Variants in KCNIP4 observed in about 807,000 individuals in gnomAD.
KCNIP4 encodes the protein potassium voltage-gated channel interacting protein 4, also known as Kv channel-interacting protein 4.
A neutral mutation model predicts 34.0 loss-of-function variants in KCNIP4; 12 were observed. That is an observed-to-expected ratio of 0.35 (90% CI 0.23 to 0.57). KCNIP4 has a LOEUF of 0.57. KCNIP4 is among the 20% of genes least tolerant of loss of function. The pLI is 0.83. For synonymous variants in KCNIP4, 124 were observed against 102.2 expected (o/e 1.21, Z -1.29); for missense variants, 238 against 311.7 (o/e 0.76, Z 1.78).
intron 1 of KCNIP4, among the ~76,000 whole-genome samples, chr4:21,572,196 C>T (rs1236903373): frequency 6.6e-6 from 1 of 152,124 alleles, no homozygotes; most frequent in Non-Finnish European, 1.5e-5. Context: ...GAGACTGCTA[C>T]TTGTCAAATA....
intron 1 of KCNIP4, among the ~76,000 whole-genome samples, chr4:21,257,269 C>T (rs1457480041): frequency 6.6e-6 from 1 of 152,186 alleles, no homozygotes; most frequent in Non-Finnish European, 1.5e-5. Context: ...CACTTCTATA[C>T]ACATGTCTGG....
chr4:20,969,290 AT>A (rs544260235), intron 1 of KCNIP4, among the ~76,000 whole-genome samples: 132 of 152,316 alleles, frequency 8.7e-4, no homozygotes, highest in East Asian at 5.8e-4. Flanking sequence ...TCCAGTGAGA[AT>A]TTCATACTTA....
At chr4:21,646,268 C>G (rs1226756149) in intron 1 of KCNIP4, among the ~76,000 whole-genome samples, 1 of 152,130 alleles carries the variant, frequency 6.6e-6, no homozygotes. Flanking sequence ...GGTTGAGTTG[C>G]CAATGTAGTT....
At chr4:21,417,747 C>A (rs1244575263) in intron 1 of KCNIP4, among the ~76,000 whole-genome samples, 1 of 152,050 alleles carries the variant, frequency 6.6e-6, no homozygotes, top group Admixed American at 6.6e-5. Flanking sequence ...TAGAGCTTTG[C>A]CATATTTGCT....
At chr4:21,901,187 T>C (rs567711807) in intron 1 of KCNIP4, among the ~76,000 whole-genome samples, 1 of 152,332 alleles carries the variant, frequency 6.6e-6, no homozygotes, top group African/African-American at 2.4e-5. Context: ...TAGTGTGCAC[T>C]TAACCTGTGA....
intron 1 of KCNIP4, among the ~76,000 whole-genome samples, chr4:21,475,200 T>C (rs1346622275): frequency 6.6e-6 from 1 of 152,112 alleles, no homozygotes; most frequent in African/African-American, 2.4e-5. Flanking sequence ...CACAGGAGAA[T>C]ATATATATCT....
chr4:20,762,838 T>C (rs1459727667), intron 3 of KCNIP4, among the ~76,000 whole-genome samples: 2 of 152,128 alleles, frequency 1.3e-5, no homozygotes, highest in African/African-American at 4.8e-5. Context: ...GTCTGGGTAA[T>C]TTATAAAGGA....
At chr4:21,154,273 G>C (rs1752981741) in intron 1 of KCNIP4, among the ~76,000 whole-genome samples, 1 of 152,186 alleles carries the variant, frequency 6.6e-6, no homozygotes, top group East Asian at 1.9e-4. Flanking sequence ...TTGTATGCTT[G>C]TATCAAGATA....
In KCNIP4 at chr4:20,927,294, A is replaced by G. The variant is rs769551309; in HGVS notation, c.62-44585T>C. 5.3e-5 allele frequency among the ~76,000 whole-genome samples: 8 copies of G among 152,232 alleles called. No individual in the cohort carries two copies. The South Asian group carries it at 1.2e-3, about 24-fold the overall frequency. On this transcript the variant is annotated intron_variant, in intron 1 of 8. Transcript: ENST00000382152. Reference sequence around the variant, plus strand: ...GCCCTGCCCTTATTGTAGTTTTCTGAAGATATTCTTGCTGGTGTTATTTTA... The same window carrying G: ...GCCCTGCCCTTATTGTAGTTTTCTGGAGATATTCTTGCTGGTGTTATTTTA...
intron 1 of KCNIP4, among the ~76,000 whole-genome samples, chr4:20,952,081 T>C (rs1382788066): frequency 1.2e-4 from 18 of 152,114 alleles, no homozygotes; most frequent in Non-Finnish European, 1.6e-4. Flanking sequence ...AAAAATATTA[T>C]CAAGGAAAAA....
At chr4:21,656,775 T>G (rs866242036) in intron 1 of KCNIP4, 1 of 152,250 alleles carries the variant, frequency 6.6e-6, no homozygotes, top group African/African-American at 2.4e-5. Context: ...TCCCACTCCA[T>G]GGATGCACCT....
chr4:21,594,826 G>A (rs1208399044), intron 1 of KCNIP4, among the ~76,000 whole-genome samples: 1 of 137,844 alleles, frequency 7.3e-6, no homozygotes, highest in Middle Eastern at 3.3e-3. Context: ...GAAGTATACT[G>A]TCTCAGGGTT....
At chr4:21,141,019 T>C (rs978963843) in intron 1 of KCNIP4, among the ~76,000 whole-genome samples, 1 of 152,228 alleles carries the variant, frequency 6.6e-6, no homozygotes, top group Non-Finnish European at 1.5e-5. Flanking sequence ...AGTTTGTTTC[T>C]AGACCCTGGC....
At chr4:20,909,470 G>A (rs1002459348) in intron 1 of KCNIP4, among the ~76,000 whole-genome samples, 1 of 152,078 alleles carries the variant, frequency 6.6e-6, no homozygotes, top group Non-Finnish European at 1.5e-5. Flanking sequence ...CGACTGCATT[G>A]CTTATGTAAG....
intron 1 of KCNIP4, among the ~76,000 whole-genome samples, chr4:21,007,195 G>A (rs1422992183): frequency 1.3e-5 from 2 of 152,188 alleles, no homozygotes; most frequent in African/African-American, 4.8e-5. Context: ...TCAAGTGAAT[G>A]TAATAGTCAT....
chr4:21,134,464 G>A (rs1020128562), intron 1 of KCNIP4, among the ~76,000 whole-genome samples: 15 of 152,218 alleles, frequency 9.9e-5, no homozygotes, highest in African/African-American at 3.4e-4. Context: ...TACTAGTTAC[G>A]TTTTGGAGGA....
At chr4:21,075,465 G>T (rs1247671737) in intron 1 of KCNIP4, among the ~76,000 whole-genome samples, 1 of 151,986 alleles carries the variant, frequency 6.6e-6, no homozygotes, top group Non-Finnish European at 1.5e-5. Context: ...TGCAACTCCT[G>T]CCTTTTTTTT....
At chr4:20,991,365 A>G (rs1737068671) in intron 1 of KCNIP4, among the ~76,000 whole-genome samples, 1 of 152,136 alleles carries the variant, frequency 6.6e-6, no homozygotes, top group Non-Finnish European at 1.5e-5. Context: ...CACAAATGAG[A>G]TGAGGGAAGG....
chr4:20,768,152 G>A (rs562021371), intron 3 of KCNIP4, among the ~76,000 whole-genome samples: 2 of 152,136 alleles, frequency 1.3e-5, no homozygotes, highest in South Asian at 2.1e-4. Context: ...TACAAGGCAG[G>A]GACTAACCTT....
Sources: allele counts gnomAD v4.1 joint callset (sites outside exome capture counted in the v4.1 genomes callset), GRCh38; gene constraint gnomAD v4.1.1; transcripts MANE v1.5; gene names NCBI Gene and HGNC (gene_info 2026-07-23, HGNC 2026-07-21).